DYNLT3: variants seen among roughly 807,000 people sequenced by gnomAD.
The protein encoded by DYNLT3 is protein 91/23.
A neutral mutation model predicts 11.0 loss-of-function variants in DYNLT3; 4 were observed. The ratio of observed to expected loss-of-function variants is 0.36; its 90% confidence interval spans 0.18 to 0.83. The LOEUF (loss-of-function observed/expected upper bound fraction) is 0.83, where lower values mean the gene tolerates loss of function less well. Among genes scored for constraint, DYNLT3 ranks in the 40% least tolerant of loss-of-function variants. The pLI, the probability that DYNLT3 is intolerant of heterozygous loss-of-function variation, is 0.47. For missense variants in DYNLT3, 91 were observed against 91.1 expected (o/e 1.00, Z 0.01); for synonymous variants, 37 against 31.2 (o/e 1.18, Z -0.61).
chrX:37,841,197 A>G lies in DYNLT3; in HGVS notation c.197-92T>C, dbSNP rs6651782. 6.1e-5 allele frequency: 42 copies of G among 692,815 alleles called. No individual in the cohort carries two copies. The African/African-American group carries it at 8.0e-4, about 13-fold the overall frequency. The allele number at this position is 692,815 out of a possible 1,213,427, so 57.1% of individuals were successfully genotyped here. On this transcript the variant is annotated intron_variant, in intron 3 of 4. Coordinates refer to ENST00000378578, the MANE Select transcript of DYNLT3 (RefSeq NM_006520.3). ...GTGAGTTCAGAGCTCTACAAGCCGA[A>G]AACAAGACAAAAAACAAACAAACAA...
intron 4 of DYNLT3, 86 bp downstream of exon 4, chrX:37,840,942 C>G: frequency 4.2e-6 from 4 of 952,966 alleles, no homozygotes; most frequent in Non-Finnish European, 6.0e-6. Context: ...AGAATTTAAT[C>G]AGAATTAAAT....
In DYNLT3 at chrX:37,841,916, A is replaced by G; in HGVS notation, c.73-11T>C. ...AACCCCATCTACACACTAAAAGGGCACAGAGGGCAGTTAATTTAGTCAGTA... is the reference window on the plus strand; with the variant it reads ...AACCCCATCTACACACTAAAAGGGCGCAGAGGGCAGTTAATTTAGTCAGTA... On this transcript the variant is annotated splice_polypyrimidine_tract_variant and intron_variant, in intron 2 of 4. Coordinates refer to ENST00000378578, the MANE Select transcript of DYNLT3 (RefSeq NM_006520.3). 2 of 1,094,043 alleles carry G rather than the reference A, an allele frequency of 1.8e-6. No homozygotes were observed. Among genetic ancestry groups the G allele is most frequent in the Non-Finnish European group, 2.4e-6 (2 of 823,603 alleles). 90.2% of individuals were successfully genotyped at this position (1,094,043 alleles called of 1,213,427 possible). A position where few individuals can be genotyped will look rare whatever the true frequency, so the allele number is the denominator to read the frequency against.
intron 2 of DYNLT3, among the ~76,000 whole-genome samples, chrX:37,846,064 G>A (rs1010254517): frequency 9.0e-6 from 1 of 111,705 alleles, no homozygotes; most frequent in Non-Finnish European, 1.9e-5. Context: ...CCAGCTACTC[G>A]GGAGGCTGAG....
chrX:37,846,595 T>C (rs1394625815), intron 1 of DYNLT3, among the ~76,000 whole-genome samples: 1 of 111,674 alleles, frequency 9.0e-6, no homozygotes, highest in East Asian at 2.8e-4. Flanking sequence ...AAGTGCTTTA[T>C]ACTGGTGATT....
chrX:37,841,160 A>C (rs1222798809), intron 3 of DYNLT3, 55 bp from the exon 4 acceptor site: 48 of 1,065,274 alleles, frequency 4.5e-5, no homozygotes, highest in Non-Finnish European at 5.1e-6. Flanking sequence ...AAGAGAACCA[A>C]GGTCAAAGTG....
At chrX:37,843,778 C>G (rs1930215813) in intron 2 of DYNLT3, among the ~76,000 whole-genome samples, 2 of 111,108 alleles carry the variant, frequency 1.8e-5, no homozygotes, top group South Asian at 3.8e-4. Flanking sequence ...AGCAAGAAAT[C>G]AAAGGAAAGA....
chrX:37,846,068 G>A (rs1930261478), intron 2 of DYNLT3, among the ~76,000 whole-genome samples: 1 of 111,983 alleles, frequency 8.9e-6, no homozygotes, highest in Non-Finnish European at 1.9e-5. Flanking sequence ...CTACTCGGGA[G>A]GCTGAGACAG....
Position 37,840,660 on chromosome X carries a change from C to A in DYNLT3, c.275-9G>T. 8.6e-7 allele frequency: 1 copy of A among 1,168,457 alleles called. No homozygotes were observed. The highest frequency in any genetic ancestry group is 1.1e-6 in the Non-Finnish European group (1 of 874,850). On this transcript the variant is annotated splice_polypyrimidine_tract_variant and intron_variant, in intron 4 of 4. Transcript: ENST00000378578. ...TCTTACGGTACAGGTTCCTGAAACA[C>A]AAAAAAAGGATTTTGAAATACCAGC...
In DYNLT3 at chrX:37,839,636, A is replaced by G. The variant is rs1930103299; in HGVS notation, c.*939T>C. 8.9e-6 allele frequency: 1 copy of G among 112,589 alleles called. No individual in the cohort carries two copies. Among genetic ancestry groups the G allele is most frequent in the Non-Finnish European group, 1.9e-5 (1 of 53,197 alleles). The allele number at this position is 112,589 out of a possible 1,213,427, so 9.3% of individuals were successfully genotyped here. A position where few individuals can be genotyped will look rare whatever the true frequency, so the allele number is the denominator to read the frequency against. ...ACATCTATAATTCTGTCAGAAAGCA[A>G]TAAGTGCTTTTCATTTTGCTTACTT... is the stretch of plus-strand genomic sequence containing the variant. On this transcript the variant is annotated 3_prime_UTR_variant, in exon 5 of 5. Transcript: ENST00000378578.
At chrX:37,842,050 A>T (rs775018140) in intron 2 of DYNLT3, 145 bp from the exon 3 acceptor site, 2 of 539,055 alleles carry the variant, frequency 3.7e-6, no homozygotes, top group African/African-American at 4.7e-5. Context: ...ACACTTGGTA[A>T]ACATTGATTA....
intron 2 of DYNLT3, among the ~76,000 whole-genome samples, chrX:37,843,664 G>A (rs992731228): frequency 2.7e-5 from 3 of 111,394 alleles, no homozygotes; most frequent in Non-Finnish European, 5.7e-5. Flanking sequence ...CGATTTTTTG[G>A]GGAAGCAATT....
At chrX:37,846,499 A>G in intron 1 of DYNLT3, 141 bp from the exon 2 acceptor site, 1 of 496,676 alleles carries the variant, frequency 2.0e-6, no homozygotes, top group Non-Finnish European at 3.2e-6. Flanking sequence ...TCTTGCCCCT[A>G]AACACTTAAA....
chrX:37,844,592 C>A (rs1022663106), intron 2 of DYNLT3, among the ~76,000 whole-genome samples: 7 of 112,271 alleles, frequency 6.2e-5, no homozygotes, highest in Admixed American at 3.8e-4. Flanking sequence ...AAACATGTTT[C>A]TTTTCCACTC....
At chrX:37,845,141 C>T (rs1173859530) in intron 2 of DYNLT3, among the ~76,000 whole-genome samples, 1 of 112,022 alleles carries the variant, frequency 8.9e-6, no homozygotes, top group Admixed American at 9.4e-5. Flanking sequence ...CTTCCACCTC[C>T]CAGTTTCCCT....
rs1408282766 is a variant in DYNLT3 at position 37,841,116 on chromosome X, A to G, written c.197-11T>C. 1 of 1,200,219 alleles carries G rather than the reference A, an allele frequency of 8.3e-7. No homozygotes were observed. Among genetic ancestry groups the G allele is most frequent in the African/African-American group, 1.7e-5 (1 of 57,545 alleles). ...CCACTGCACAGGTCACTGCAAATAA[A>G]GTCACAGAATGAGGGCACTTACAGA... On this transcript the variant is annotated splice_polypyrimidine_tract_variant and intron_variant, in intron 3 of 4. Coordinates refer to ENST00000378578, the MANE Select transcript of DYNLT3 (RefSeq NM_006520.3).
intron 2 of DYNLT3, among the ~76,000 whole-genome samples, chrX:37,843,614 G>C (rs1930212117): frequency 9.0e-6 from 1 of 111,517 alleles, no homozygotes; most frequent in Non-Finnish European, 1.9e-5. Flanking sequence ...ATACACTTTA[G>C]ACTAAATTCT....
intron 3 of DYNLT3, among the ~76,000 whole-genome samples, chrX:37,841,450 C>T (rs185281492): frequency 4.0e-4 from 44 of 110,563 alleles, no homozygotes; most frequent in African/African-American, 1.4e-3. Flanking sequence ...ACTTTATAAA[C>T]AGTTGCTGTG....
chrX:37,839,006 C>G lies in DYNLT3; in HGVS notation c.*1569G>C, dbSNP rs1406076466. On this transcript the variant is annotated 3_prime_UTR_variant, in exon 5 of 5. Transcript: ENST00000378578. ...TGATCTTCCAGGGCACAAAAGCCAG[C>G]AGCATAAAGAAACATGAATAATGAC... The G allele has an allele frequency of 4.5e-5, 5 of 111,558 alleles. No individual in the cohort carries two copies. The highest frequency in any genetic ancestry group is 9.4e-5 in the Non-Finnish European group (5 of 53,130). 9.2% of individuals were successfully genotyped at this position (111,558 alleles called of 1,213,427 possible).
At position 37,847,516 on chromosome X, in the gene DYNLT3, C is replaced by A; in HGVS notation, c.-6G>T. The A allele has an allele frequency of 1.0e-6, 1 of 975,266 alleles. No homozygotes were observed. The highest frequency in any genetic ancestry group is 1.3e-6 in the Non-Finnish European group (1 of 772,738). The allele number at this position is 975,266 out of a possible 1,213,427, so 80.4% of individuals were successfully genotyped here. On this transcript the variant is annotated 5_prime_UTR_variant, in exon 1 of 5. Coordinates refer to ENST00000378578, the MANE Select transcript of DYNLT3 (RefSeq NM_006520.3). ...TGGCGATGGTACTCCTCCATGGTAGCGCCGGCTCTCCCTGGGGCGGAGCGA... is the reference window on the plus strand; with the variant it reads ...TGGCGATGGTACTCCTCCATGGTAGAGCCGGCTCTCCCTGGGGCGGAGCGA...
Sources: allele counts gnomAD v4.1 joint callset (sites outside exome capture counted in the v4.1 genomes callset), GRCh38; gene constraint gnomAD v4.1.1; transcripts MANE v1.5; gene names NCBI Gene and HGNC (gene_info 2026-07-23, HGNC 2026-07-21).